The following PRELID2 variants were observed in gnomAD, a reference collection of about 807,000 sequenced individuals.
PRELID2 encodes PRELI domain-containing protein 2.
A neutral mutation model predicts 28.4 loss-of-function variants in PRELID2; 25 were observed. The observed-to-expected ratio is 0.88, with a 90% CI of 0.64 to 1.23. PRELID2 has a LOEUF of 1.23. Among genes scored for constraint, PRELID2 ranks in the 50% most tolerant of loss-of-function variants. The pLI, the probability that PRELID2 is intolerant of heterozygous loss-of-function variation, is 0.00. For synonymous variants in PRELID2, 76 were observed against 71.6 expected (o/e 1.06, Z -0.31); for missense variants, 201 against 214.4 (o/e 0.94, Z 0.39).
intron 1 of PRELID2, among the ~76,000 whole-genome samples, chr5:145,737,746 C>T (rs568720846): frequency 1.3e-5 from 2 of 152,270 alleles, no homozygotes; most frequent in South Asian, 4.1e-4. Flanking sequence ...CTGGCAAGGG[C>T]CTAGACTTTC....
At chr5:145,312,544 G>A in the PRELID2 span, among the ~76,000 whole-genome samples, 2 of 151,962 alleles carry the variant, frequency 1.3e-5, no homozygotes, top group South Asian at 2.1e-4. Context: ...GGTAACCATC[G>A]GTCTACTCTC....
the PRELID2 span, among the ~76,000 whole-genome samples, chr5:145,315,390 T>A: frequency 6.6e-6 from 1 of 152,192 alleles, no homozygotes; most frequent in Non-Finnish European, 1.5e-5. Context: ...CTTAAATTTA[T>A]ACTTATGCAT....
At chr5:145,410,983 G>A in the PRELID2 span, among the ~76,000 whole-genome samples, 1 of 151,790 alleles carries the variant, frequency 6.6e-6, no homozygotes, top group Non-Finnish European at 1.5e-5. Context: ...ACAGGCATTG[G>A]GTAAATACAC....
the PRELID2 span, among the ~76,000 whole-genome samples, chr5:145,251,960 A>C: frequency 6.6e-6 from 1 of 152,134 alleles, no homozygotes; most frequent in African/African-American, 2.4e-5. Flanking sequence ...GTTTGACCCA[A>C]ACCCAGAAGC....
At chr5:145,319,696 T>C in the PRELID2 span, among the ~76,000 whole-genome samples, 1 of 143,274 alleles carries the variant, frequency 7.0e-6, no homozygotes, top group South Asian at 2.1e-4. Context: ...AATAAATAAA[T>C]AAATAAATAA....
the PRELID2 span, among the ~76,000 whole-genome samples, chr5:145,245,413 A>AAGAG: frequency 0.022 from 3,329 of 148,140 alleles, 49 homozygotes; most frequent in Middle Eastern, 0.059. Context: ...AAGAAAGAGA[A>AAGAG]AGAGAGAGAG....
At chr5:145,357,613 A>G in the PRELID2 span, among the ~76,000 whole-genome samples, 1 of 152,160 alleles carries the variant, frequency 6.6e-6, no homozygotes, top group Non-Finnish European at 1.5e-5. Flanking sequence ...GTTCTTTATT[A>G]AAACAGCCAT....
chr5:145,678,742 C>G (rs577360455), intron 1 of PRELID2, among the ~76,000 whole-genome samples: 5 of 152,188 alleles, frequency 3.3e-5, no homozygotes, highest in Admixed American at 3.3e-4. Flanking sequence ...TTACACCGAG[C>G]CTTAATGTCC....
At chr5:145,340,770 C>CATATATATATATATAT in the PRELID2 span, among the ~76,000 whole-genome samples, 496 of 116,464 alleles carry the variant, frequency 4.3e-3, 6 homozygotes, top group East Asian at 0.012. Flanking sequence ...TAAAAATATA[C>CATATATATATATATAT]ATATATATAT....
chr5:145,605,933 C>G (rs764420296), intron 1 of PRELID2, among the ~76,000 whole-genome samples: 7 of 152,010 alleles, frequency 4.6e-5, no homozygotes, highest in Non-Finnish European at 7.4e-5. Flanking sequence ...TGTGTCATCT[C>G]TGATTTATTT....
intron 1 of PRELID2, among the ~76,000 whole-genome samples, chr5:145,612,171 A>C (rs1227675099): frequency 6.6e-6 from 1 of 152,228 alleles, no homozygotes; most frequent in African/African-American, 2.4e-5. Context: ...ATATAAGAGG[A>C]AGAAAATTAA....
the PRELID2 span, among the ~76,000 whole-genome samples, chr5:145,414,158 T>C: frequency 1.3e-5 from 2 of 152,178 alleles, no homozygotes; most frequent in Non-Finnish European, 2.9e-5. Context: ...CCTTCCTCCC[T>C]AGTTGGTCAA....
intron 1 of PRELID2, among the ~76,000 whole-genome samples, chr5:145,489,007 T>C (rs572209575): frequency 6.6e-6 from 1 of 152,224 alleles, no homozygotes; most frequent in Admixed American, 6.5e-5. Context: ...CATGCATTCA[T>C]ACCAGGAATT....
At chr5:145,402,639 T>G in the PRELID2 span, among the ~76,000 whole-genome samples, 1 of 152,158 alleles carries the variant, frequency 6.6e-6, no homozygotes, top group African/African-American at 2.4e-5. Flanking sequence ...AAGATAAGTT[T>G]TCTTATCTTC....
intron 1 of PRELID2, 55 bp from the exon 2 acceptor site, chr5:145,823,189 AT>A: frequency 1.1e-6 from 1 of 876,128 alleles, no homozygotes; most frequent in Non-Finnish European, 1.9e-6. Flanking sequence ...AAGGTGAACT[AT>A]TTAGAAGTAA....
the PRELID2 span, among the ~76,000 whole-genome samples, chr5:145,463,558 A>G: frequency 2.0e-5 from 3 of 152,202 alleles, no homozygotes; most frequent in African/African-American, 7.2e-5. Flanking sequence ...TATTATGACC[A>G]TTGTGTTCCC....
chr5:145,410,479 G>A, the PRELID2 span, among the ~76,000 whole-genome samples: 3 of 152,140 alleles, frequency 2.0e-5, no homozygotes. Flanking sequence ...TTAAAAAAAC[G>A]TTTAATTGAC....
intron 1 of PRELID2, among the ~76,000 whole-genome samples, chr5:145,567,706 TCTC>T (rs1292786798): frequency 6.6e-6 from 1 of 152,106 alleles, no homozygotes; most frequent in African/African-American, 2.4e-5. Context: ...GTCTGGCACT[TCTC>T]CTGCTGGCAC....
the PRELID2 span, among the ~76,000 whole-genome samples, chr5:145,443,900 G>A: frequency 6.6e-6 from 1 of 151,942 alleles, no homozygotes; most frequent in Non-Finnish European, 1.5e-5. Flanking sequence ...TGAGAGAGTG[G>A]GAAATTATTA....
Sources: gnomAD v4.1 joint callset for allele counts (sites outside exome capture counted in the v4.1 genomes callset) on GRCh38, gnomAD v4.1.1 for gene constraint, MANE v1.5 for transcripts, NCBI Gene and HGNC (gene_info 2026-07-23, HGNC 2026-07-21) for gene names.